Variants in ZNF181 observed in about 807,000 individuals in gnomAD.
ZNF181 encodes the protein zinc finger protein 181 (HHZ181).
A neutral mutation model predicts 11.9 loss-of-function variants in ZNF181; 8 were observed. That is an observed-to-expected ratio of 0.67 (90% CI 0.39 to 1.21). ZNF181 has a LOEUF of 1.21. ZNF181 is among the 50% of genes most tolerant of loss of function. The probability of loss-of-function intolerance (pLI) is 0.01; values close to 1 mark genes in which losing one functional copy is unlikely to be tolerated. For missense variants in ZNF181, 542 were observed against 670.9 expected (o/e 0.81, Z 2.12); for synonymous variants, 202 against 221.1 (o/e 0.91, Z 0.77).
At position 34,740,701 on chromosome 19, in the gene ZNF181, T is replaced by A; in HGVS notation, c.320T>A (p.Val107Asp). ...CCCCAAACAGTAATAATAGAAAAAGTTGTAAAACAAAGTTATGAATTTTCA... is the reference window on the plus strand; with the variant it reads ...CCCCAAACAGTAATAATAGAAAAAGATGTAAAACAAAGTTATGAATTTTCA... ...DSPQTVIIEKVVKQSYEFSNS... is the reference protein window; with the variant it reads ...DSPQTVIIEKDVKQSYEFSNS... Residue 107 changes from valine (V) to aspartate (D), a missense_variant, in exon 4 of 4, where the codon GTT (valine) becomes GAT (aspartate). Val to Asp is a radical substitution (Grantham distance 152). Coordinates refer to ENST00000492450, the MANE Select transcript of ZNF181 (RefSeq NM_001029997.4). The A allele has an allele frequency of 6.2e-7, 1 of 1,612,850 alleles. No individual in the cohort carries two copies. Among genetic ancestry groups the A allele is most frequent in the Non-Finnish European group, 8.5e-7 (1 of 1,179,498 alleles).
intron 1 of ZNF181, among the ~76,000 whole-genome samples, chr19:34,738,403 C>CTAA (rs2068917391): frequency 6.6e-6 from 1 of 152,216 alleles, no homozygotes; most frequent in East Asian, 1.9e-4. Flanking sequence ...GGGCAGAGCC[C>CTAA]TCAAGGCCTA....
Position 34,743,777 on chromosome 19 carries a change from A to G in ZNF181, c.*1680A>G, listed in dbSNP as rs2069011837. 1 of 152,206 alleles carries G rather than the reference A, an allele frequency of 6.6e-6. No homozygotes were observed. Among genetic ancestry groups the G allele is most frequent in the Admixed American group, 6.5e-5 (1 of 15,282 alleles). 9.4% of individuals were successfully genotyped at this position (152,206 alleles called of 1,614,324 possible). ...TTTACAGCCCACCTACCAATTTTGAAAGCACTAATTTGCAGCAATATATGT... is the reference window on the plus strand; with the variant it reads ...TTTACAGCCCACCTACCAATTTTGAGAGCACTAATTTGCAGCAATATATGT... On this transcript the variant is annotated 3_prime_UTR_variant, in exon 4 of 4. Transcript: ENST00000492450.
Position 34,742,355 on chromosome 19 carries a change from G to A in ZNF181, c.*258G>A, listed in dbSNP as rs948556142. 4 of 258,202 alleles carry A rather than the reference G, an allele frequency of 1.5e-5. No individual in the cohort carries two copies. The highest frequency in any genetic ancestry group is 2.9e-5 in the Non-Finnish European group (4 of 135,712). 16.0% of individuals were successfully genotyped at this position (258,202 alleles called of 1,614,324 possible). ...ATAAAACCCTGTACATGTAGCAAATGTGGGAAAGACTACAGACAATAGGAA... is the reference window on the plus strand; with the variant it reads ...ATAAAACCCTGTACATGTAGCAAATATGGGAAAGACTACAGACAATAGGAA... On this transcript the variant is annotated 3_prime_UTR_variant, in exon 4 of 4. Coordinates refer to ENST00000492450, the MANE Select transcript of ZNF181 (RefSeq NM_001029997.4).
chr19:34,736,017 T>TG (rs2068883255), intron 1 of ZNF181: 1 of 669,144 alleles, frequency 1.5e-6, no homozygotes, highest in African/African-American at 1.8e-5. Context: ...TATATGCACA[T>TG]GCTCATTGTC....
chr19:34,736,340 C>T (rs1480305376), intron 1 of ZNF181: 5 of 614,380 alleles, frequency 8.1e-6, no homozygotes, highest in Non-Finnish European at 1.5e-5. Flanking sequence ...GAGAAAATTT[C>T]TTGAACCCTG....
At chr19:34,740,394 T>C (rs1445579652) in intron 3 of ZNF181, among the ~76,000 whole-genome samples, 1 of 152,218 alleles carries the variant, frequency 6.6e-6, no homozygotes, top group African/African-American at 2.4e-5. Flanking sequence ...ATTTTTCCCA[T>C]TTCCATTATC....
In ZNF181 at chr19:34,739,309, T is replaced by G. The variant is rs753116621; in HGVS notation, c.130+41T>G. ...CTTCCACTCCAGTAGGGGACACCTT[T>G]CTTTTGCCACCCTGAATTGCTGGAG... On this transcript the variant is annotated intron_variant, in intron 2 of 3. Coordinates refer to ENST00000492450, the MANE Select transcript of ZNF181 (RefSeq NM_001029997.4). The G allele has an allele frequency of 1.7e-4, 277 of 1,607,720 alleles. 2 individuals carry two copies. In the Middle Eastern group the frequency reaches 2.3e-3, roughly 14 times the overall value.
chr19:34,735,246 T>G (rs1256221602), intron 1 of ZNF181, among the ~76,000 whole-genome samples, 200 bp downstream of exon 1: 2 of 152,196 alleles, frequency 1.3e-5, no homozygotes, highest in Non-Finnish European at 2.9e-5. Context: ...TTTCTACAGT[T>G]TTCTGCTAGA....
intron 3 of ZNF181, 78 bp downstream of exon 3, chr19:34,739,699 T>C (rs528457783): frequency 2.5e-5 from 36 of 1,445,210 alleles, no homozygotes; most frequent in Non-Finnish European, 3.2e-5. Flanking sequence ...TTATAGTGAG[T>C]GTGGAGGCAT....
At chr19:34,735,980 T>C (rs1211782233) in intron 1 of ZNF181, 1 of 564,324 alleles carries the variant, frequency 1.8e-6, no homozygotes, top group Non-Finnish European at 3.1e-6. Flanking sequence ...TGTGTGTCAC[T>C]CACTAGCTGA....
chr19:34,739,489 C>A lies in ZNF181; in HGVS notation c.131-34C>A, dbSNP rs151257520. On this transcript the variant is annotated intron_variant, in intron 2 of 3. Transcript: ENST00000492450. ...GTGATGGCCTCTCATAATAGAGGAC[C>A]ACGGCTTAAACAATTCTGTATTCTT... 17 of 1,612,754 alleles carry A rather than the reference C, an allele frequency of 1.1e-5. No individual in the cohort carries two copies. In the East Asian group the frequency reaches 3.6e-4, roughly 34 times the overall value.
Position 34,739,195 on chromosome 19 carries a change from A to G in ZNF181, c.57A>G (p.Gly19=). The G allele has an allele frequency of 6.2e-7, 1 of 1,613,818 alleles. No individual in the cohort carries two copies. Among genetic ancestry groups the G allele is most frequent in the South Asian group, 1.1e-5 (1 of 91,084 alleles). ...VAIDFTHEEW[G]WLSSAQRDLY... The stretch of plus-strand genomic sequence containing the variant: ...TAGACTTCACTCATGAAGAGTGGGG[A>G]TGGCTCAGTTCTGCTCAGAGGGACT... The change falls in exon 2 of 4, where the codon GGA becomes GGG. Residue 19 remains glycine, a synonymous_variant. Transcript: ENST00000492450.
rs1266693933 is a variant in ZNF181, at chr19:34,741,607, A to G, written c.1226A>G (p.Lys409Arg). 3 of 1,613,994 alleles carry G rather than the reference A, an allele frequency of 1.9e-6. No homozygotes were observed. In the South Asian group the frequency reaches 3.3e-5, roughly 18 times the overall value. Residue 409 changes from lysine (K) to arginine (R), a missense_variant, in exon 4 of 4, where the codon AAA becomes AGA. Coordinates refer to ENST00000492450, the MANE Select transcript of ZNF181 (RefSeq NM_001029997.4). ...ATGGAGAAACAATATGAATGCAACA[A>G]ATGTCTGAAAGTCTTTAGTAGCCTC... ...HTMEKQYECNKCLKVFSSLSF... is the reference protein window; with the variant it reads ...HTMEKQYECNRCLKVFSSLSF...
At position 34,734,523 on chromosome 19, in the gene ZNF181, G is replaced by A. The variant is rs1216031634; in HGVS notation, c.-515G>A. 1.9e-5 allele frequency: 3 copies of A among 154,164 alleles called. No homozygotes were observed. The highest frequency in any genetic ancestry group is 7.2e-5 in the African/African-American group (3 of 41,472). The allele number at this position is 154,164 out of a possible 1,614,324, so 9.5% of individuals were successfully genotyped here. A position where few individuals can be genotyped will look rare whatever the true frequency, so the allele number is the denominator to read the frequency against. On this transcript the variant is annotated 5_prime_UTR_variant, in exon 1 of 4. It introduces an in-frame stop codon into an upstream open reading frame of the 5' UTR. Coordinates refer to ENST00000492450, the MANE Select transcript of ZNF181 (RefSeq NM_001029997.4). ...GGGTGATGACGGCGCCGACCTCTTG[G>A]CGCTGTTGTGAGAGTGAAGTGGGCG...
rs1478668584 is a variant in ZNF181 at position 34,740,805 on chromosome 19, A to G, written c.424A>G (p.Ile142Val). ...GSQVDHFRPA[I>V]LTSRESPTAD... is the part of the protein sequence containing the mutation. ...TCAGGTAGACCATTTCAGACCAGCA[A>G]TTCTCACCTCTAGAGAAAGCCCCAC... Residue 142 changes from isoleucine (I) to valine (V), a missense_variant, in exon 4 of 4, where the codon ATT becomes GTT. Coordinates refer to ENST00000492450, the MANE Select transcript of ZNF181 (RefSeq NM_001029997.4). 4 of 1,614,086 alleles carry G rather than the reference A, an allele frequency of 2.5e-6. No homozygotes were observed. Among genetic ancestry groups the G allele is most frequent in the South Asian group, 2.2e-5 (2 of 91,082 alleles).
rs766359003 is a variant in ZNF181, at chr19:34,742,049, T to C, written c.1668T>C (p.Tyr556=). ...TAAGTGTGGAAAAGCCTTTAGACTA[T>C]ATGAATCACTATACATGTGAGAAAT... ...SVVSVEKPLD[Y]MNHYTCEKSY... Residue 556 remains tyrosine (Y), a synonymous_variant, in exon 4 of 4, where the codon TAT becomes TAC. Transcript: ENST00000492450. 1.0e-5 allele frequency: 16 copies of C among 1,605,674 alleles called. No homozygotes were observed. In the South Asian group the frequency reaches 1.6e-4, roughly 16 times the overall value.
chr19:34,741,305 T>C lies in ZNF181; in HGVS notation c.924T>C (p.Leu308=), dbSNP rs1168086733. Residue 308 remains leucine, a synonymous_variant, in exon 4 of 4, where the codon CTT becomes CTC. Transcript: ENST00000492450. ...CGKAFSHVSS[L]TNHQSTHTGE... Reference sequence around the variant, plus strand: ...AGGCCTTTAGCCATGTCTCATCACTTACTAACCATCAGAGCACTCACACTG... The same window carrying C: ...AGGCCTTTAGCCATGTCTCATCACTCACTAACCATCAGAGCACTCACACTG... 6.2e-7 allele frequency: 1 copy of C among 1,613,816 alleles called. No homozygotes were observed. Among genetic ancestry groups the C allele is most frequent in the African/African-American group, 1.3e-5 (1 of 74,932 alleles).
rs956721191 is a variant in ZNF181 at position 34,734,888 on chromosome 19, T to C, written c.-150T>C. 4.1e-6 allele frequency: 3 copies of C among 723,176 alleles called. No homozygotes were observed. The highest frequency in any genetic ancestry group is 5.7e-5 in the Admixed American group (2 of 35,310). 44.8% of individuals were successfully genotyped at this position (723,176 alleles called of 1,614,324 possible). Reference sequence around the variant, plus strand: ...CCTGGAGAGTGATTACCAGTGTGCCTTTCCATTATGGTGTGTCACAGGTGC... The same window carrying C: ...CCTGGAGAGTGATTACCAGTGTGCCCTTCCATTATGGTGTGTCACAGGTGC... On this transcript the variant is annotated 5_prime_UTR_variant, in exon 1 of 4. Transcript: ENST00000492450.
chr19:34,739,735 T>C, intron 3 of ZNF181, 114 bp downstream of exon 3: 1 of 1,083,604 alleles, frequency 9.2e-7, no homozygotes, highest in Non-Finnish European at 1.3e-6. Flanking sequence ...TTCAAAGATC[T>C]CAGATAGAAA....
Sources: gnomAD v4.1 joint callset for allele counts (sites outside exome capture counted in the v4.1 genomes callset) on GRCh38, gnomAD v4.1.1 for gene constraint, MANE v1.5 for transcripts, NCBI Gene and HGNC (gene_info 2026-07-23, HGNC 2026-07-21) for gene names.